Variants in OPCML observed in about 807,000 individuals in gnomAD.
OPCML encodes opioid-binding protein/cell adhesion molecule.
Under a neutral mutation model 37.8 loss-of-function variants are expected in OPCML, and 13 were observed. The observed-to-expected ratio is 0.34, with a 90% CI of 0.22 to 0.55. The LOEUF is 0.55. OPCML is among the 20% of genes least tolerant of loss of function. The pLI, the probability that OPCML is intolerant of heterozygous loss-of-function variation, is 0.91. For synonymous variants in OPCML, 176 were observed against 168.8 expected (o/e 1.04, Z -0.33); for missense variants, 341 against 435.6 (o/e 0.78, Z 1.93).
intron 3 of OPCML, among the ~76,000 whole-genome samples, chr11:132,602,836 C>T (rs1402484950): frequency 6.6e-6 from 1 of 152,190 alleles, no homozygotes; most frequent in African/African-American, 2.4e-5. Context: ...CACATGGGGC[C>T]CAAGTTTGCC....
intron 1 of OPCML, among the ~76,000 whole-genome samples, chr11:133,082,993 C>T (rs1199037766): frequency 1.3e-5 from 2 of 151,304 alleles, no homozygotes; most frequent in South Asian, 2.1e-4. Context: ...CCAGAGGGCG[C>T]CCGTCAGCGC....
At chr11:133,267,622 A>G (rs916360843) in intron 1 of OPCML, among the ~76,000 whole-genome samples, 18 of 152,094 alleles carry the variant, frequency 1.2e-4, no homozygotes, top group Admixed American at 3.9e-4. Context: ...CTGCCTTTTA[A>G]ATTTTAACTC....
At chr11:133,400,330 A>C (rs1247157204) in intron 1 of OPCML, among the ~76,000 whole-genome samples, 1 of 152,182 alleles carries the variant, frequency 6.6e-6, no homozygotes, top group East Asian at 1.9e-4. Flanking sequence ...CACTAATTTG[A>C]ATTATTTCAG....
intron 1 of OPCML, among the ~76,000 whole-genome samples, chr11:132,948,237 G>A (rs1945788201): frequency 6.6e-6 from 1 of 152,218 alleles, no homozygotes; most frequent in Non-Finnish European, 1.5e-5. Flanking sequence ...GGCACACCGT[G>A]CCATGCTGGA....
intron 3 of OPCML, among the ~76,000 whole-genome samples, chr11:132,614,063 T>A (rs890046576): frequency 6.6e-6 from 1 of 152,056 alleles, no homozygotes; most frequent in Non-Finnish European, 1.5e-5. Context: ...TCCATAACCA[T>A]GCCCAAGTAG....
intron 1 of OPCML, among the ~76,000 whole-genome samples, chr11:133,499,859 C>CACACATAT (rs1248231061): frequency 2.5e-5 from 3 of 122,170 alleles, no homozygotes; most frequent in African/African-American, 1.1e-4. Context: ...TATACATACA[C>CACACATAT]ATATATATAT....
At chr11:132,998,802 C>T (rs75450593) in intron 1 of OPCML, among the ~76,000 whole-genome samples, 2,740 of 152,240 alleles carry the variant, frequency 0.018, 78 homozygotes, top group African/African-American at 0.062. Context: ...TGACAAAATG[C>T]CATCTATGAA....
chr11:132,899,331 A>G (rs975621423), intron 2 of OPCML, among the ~76,000 whole-genome samples: 5 of 152,208 alleles, frequency 3.3e-5, no homozygotes, highest in Non-Finnish European at 5.9e-5. Context: ...TTAAGCAAAT[A>G]TCTTTGGTTT....
intron 2 of OPCML, among the ~76,000 whole-genome samples, chr11:132,810,530 A>G (rs1939280721): frequency 6.6e-6 from 1 of 152,084 alleles, no homozygotes; most frequent in South Asian, 2.1e-4. Flanking sequence ...TTCTCTACTA[A>G]AAATACAAAA....
chr11:133,299,730 AGATGAAGGGG>A, intron 1 of OPCML: 1 of 152,316 alleles, frequency 6.6e-6, no homozygotes, highest in Non-Finnish European at 1.5e-5. Context: ...CCTCCTAAGT[AGATGAAGGGG>A]TCAAATTATT....
intron 4 of OPCML, among the ~76,000 whole-genome samples, chr11:132,469,589 ATGTG>A (rs201359360): frequency 0.014 from 1,481 of 102,692 alleles, 18 homozygotes; most frequent in South Asian, 0.031. Flanking sequence ...GTATGGATGT[ATGTG>A]TATGTGTATA....
chr11:132,458,612 T>C (rs2096090578), intron 4 of OPCML, among the ~76,000 whole-genome samples: 2 of 152,228 alleles, frequency 1.3e-5, no homozygotes, highest in East Asian at 3.8e-4. Context: ...ATTTGCCATG[T>C]TAGAAATTTG....
chr11:132,567,154 C>T (rs1200012001), intron 3 of OPCML, among the ~76,000 whole-genome samples: 1 of 152,036 alleles, frequency 6.6e-6, no homozygotes, highest in Non-Finnish European at 1.5e-5. Flanking sequence ...GCTCACCACC[C>T]CTTGCCTCTA....
At chr11:133,090,609 A>C (rs533875462) in intron 1 of OPCML, among the ~76,000 whole-genome samples, 3 of 152,310 alleles carry the variant, frequency 2.0e-5, no homozygotes, top group South Asian at 2.1e-4. Flanking sequence ...TTCATATCCT[A>C]GTGCTCTGTG....
intron 1 of OPCML, among the ~76,000 whole-genome samples, chr11:133,326,657 GTA>G: frequency 8.2e-6 from 1 of 122,054 alleles, no homozygotes; most frequent in African/African-American, 3.1e-5. Context: ...GAGTGTGGGT[GTA>G]TGTGTGTGGG....
At chr11:133,299,303 G>T (rs186760732) in intron 1 of OPCML, 1 of 152,358 alleles carries the variant, frequency 6.6e-6, no homozygotes, top group African/African-American at 2.4e-5. Context: ...GGGACCCAAA[G>T]AACTGTTCTT....
intron 1 of OPCML, among the ~76,000 whole-genome samples, chr11:133,169,611 AAAC>A (rs1315365967): frequency 6.6e-6 from 1 of 152,250 alleles, no homozygotes; most frequent in Non-Finnish European, 1.5e-5. Flanking sequence ...AGCGAAAACA[AAAC>A]AAAAAATTAT....
At chr11:132,942,683 G>A (rs1945620571) in intron 2 of OPCML, among the ~76,000 whole-genome samples, 1 of 152,310 alleles carries the variant, frequency 6.6e-6, no homozygotes, top group East Asian at 1.9e-4. Context: ...AAAGAACCAT[G>A]GAGTCCCACA....
chr11:132,630,428 C>T (rs982461174), intron 3 of OPCML, among the ~76,000 whole-genome samples: 6 of 152,056 alleles, frequency 3.9e-5, no homozygotes, highest in South Asian at 2.1e-4. Context: ...CGTGGTGGCA[C>T]GTGCCTGTAA....
Sources: gnomAD v4.1 joint callset for allele counts (sites outside exome capture counted in the v4.1 genomes callset) on GRCh38, gnomAD v4.1.1 for gene constraint, MANE v1.5 for transcripts, NCBI Gene and HGNC (gene_info 2026-07-23, HGNC 2026-07-21) for gene names.